The following UBE2W variants were observed in gnomAD, a reference collection of about 807,000 sequenced individuals.
UBE2W encodes the protein ubiquitin conjugating enzyme E2 W, also known as ubiquitin-conjugating enzyme E2 W.
UBE2W carries 18 observed loss-of-function variants against 27.2 expected under a neutral mutation model. The observed-to-expected ratio is 0.66, with a 90% CI of 0.46 to 0.98. The LOEUF is 0.98. Among genes scored for constraint, UBE2W ranks in the 50% least tolerant of loss-of-function variants. The pLI is 0.00. For missense variants in UBE2W, 90 were observed against 180.2 expected (o/e 0.50, Z 2.87); for synonymous variants, 53 against 57.2 (o/e 0.93, Z 0.33).
intron 1 of UBE2W, among the ~76,000 whole-genome samples, chr8:73,861,976 T>C (rs954021277): frequency 6.6e-6 from 1 of 152,240 alleles, no homozygotes; most frequent in Non-Finnish European, 1.5e-5. Flanking sequence ...AATCTCGAAT[T>C]TGATTCTTAA....
In UBE2W at chr8:73,786,880, T is replaced by C; in HGVS notation, c.*7222A>G. 1 of 985,388 alleles carries C rather than the reference T, an allele frequency of 1.0e-6. No homozygotes were observed. Among genetic ancestry groups the C allele is most frequent in the Non-Finnish European group, 1.2e-6 (1 of 829,888 alleles). 61.0% of individuals were successfully genotyped at this position (985,388 alleles called of 1,614,324 possible). A position where few individuals can be genotyped will look rare whatever the true frequency, so the allele number is the denominator to read the frequency against. On this transcript the variant is annotated 3_prime_UTR_variant, in exon 6 of 6. Transcript: ENST00000602593. ...GGAATGTCATTAAATTATAACAGGA[T>C]AAAAGAAATATGTTTTCATTGAGGT...
intron 1 of UBE2W, among the ~76,000 whole-genome samples, chr8:73,866,287 AAAAATATATATATATAT>A (rs1338055252): frequency 1.9e-4 from 20 of 103,976 alleles, no homozygotes; most frequent in African/African-American, 4.2e-4. Flanking sequence ...AAAAAAAAAA[AAAAATATATATATATAT>A]ATATATATAT....
Position 73,792,502 on chromosome 8 carries a change from T to G in UBE2W, c.*1600A>C. The G allele has an allele frequency of 1.0e-6, 1 of 985,262 alleles. No individual in the cohort carries two copies. The highest frequency in any genetic ancestry group is 1.7e-5 in the African/African-American group (1 of 57,358). The allele number at this position is 985,262 out of a possible 1,614,324, so 61.0% of individuals were successfully genotyped here. ...GTCATCTATACAGATTAAAAACAATTTTAAAATATTATTTACCAATTATTG... is the reference window on the plus strand; with the variant it reads ...GTCATCTATACAGATTAAAAACAATGTTAAAATATTATTTACCAATTATTG... On this transcript the variant is annotated 3_prime_UTR_variant, in exon 6 of 6. Coordinates refer to ENST00000602593, the MANE Select transcript of UBE2W (RefSeq NM_018299.6).
At chr8:73,840,853 T>A (rs927675923) in intron 1 of UBE2W, among the ~76,000 whole-genome samples, 4 of 152,138 alleles carry the variant, frequency 2.6e-5, no homozygotes, top group African/African-American at 9.7e-5. Flanking sequence ...ATATGATATA[T>A]TAAAATATGA....
intron 2 of UBE2W, among the ~76,000 whole-genome samples, chr8:73,827,742 G>A (rs1809910968): frequency 6.6e-6 from 1 of 151,456 alleles, no homozygotes. Flanking sequence ...ATCTCCCTAT[G>A]TTGCCCAGTC....
intron 1 of UBE2W, among the ~76,000 whole-genome samples, chr8:73,855,530 T>C (rs775471473): frequency 6.6e-6 from 1 of 151,236 alleles, no homozygotes; most frequent in Non-Finnish European, 1.5e-5. Context: ...GCCTCCCAAG[T>C]AGCTGGGCTT....
In UBE2W at chr8:73,791,694, A is replaced by C. The variant is rs1808208636; in HGVS notation, c.*2408T>G. The C allele has an allele frequency of 5.1e-6, 5 of 985,232 alleles. No individual in the cohort carries two copies. Among genetic ancestry groups the C allele is most frequent in the Non-Finnish European group, 6.0e-6 (5 of 829,742 alleles). The allele number at this position is 985,232 out of a possible 1,614,324, so 61.0% of individuals were successfully genotyped here. A position where few individuals can be genotyped will look rare whatever the true frequency, so the allele number is the denominator to read the frequency against. ...GTGCAAGGAGTTTTCAATGATTCCT[A>C]AATTCAAGAGAGTGTTGTTAGCCTG... On this transcript the variant is annotated 3_prime_UTR_variant, in exon 6 of 6. Transcript: ENST00000602593.
chr8:73,799,919 T>G (rs1020468497), intron 5 of UBE2W, among the ~76,000 whole-genome samples: 1 of 152,174 alleles, frequency 6.6e-6, no homozygotes, highest in East Asian at 1.9e-4. Flanking sequence ...GGTGTTATAC[T>G]GGAACAAAGC....
At chr8:73,819,697 G>T (rs1280508210) in intron 3 of UBE2W, among the ~76,000 whole-genome samples, 4 of 152,150 alleles carry the variant, frequency 2.6e-5, no homozygotes, top group African/African-American at 4.8e-5. Flanking sequence ...ATTGTTTGTT[G>T]TTATTCTTTC....
intron 2 of UBE2W, among the ~76,000 whole-genome samples, chr8:73,829,659 T>G (rs1586488986): frequency 6.6e-6 from 1 of 152,054 alleles, no homozygotes; most frequent in African/African-American, 2.4e-5. Flanking sequence ...TAGGTACTGA[T>G]ACAAATGCCA....
intron 1 of UBE2W, among the ~76,000 whole-genome samples, chr8:73,845,515 CGT>C (rs1563614464): frequency 6.6e-6 from 1 of 152,036 alleles, no homozygotes; most frequent in African/African-American, 2.4e-5. Context: ...GCAGCATACT[CGT>C]TAAGAGTCAT....
chr8:73,864,132 G>A (rs534874939), intron 1 of UBE2W, among the ~76,000 whole-genome samples: 5 of 152,258 alleles, frequency 3.3e-5, no homozygotes, highest in African/African-American at 1.2e-4. Flanking sequence ...AGTGGCTCAC[G>A]CCTGTAATCC....
chr8:73,871,925 C>T (rs1363966796), intron 1 of UBE2W, among the ~76,000 whole-genome samples: 1 of 152,024 alleles, frequency 6.6e-6, no homozygotes, highest in Non-Finnish European at 1.5e-5. Context: ...CAGGGTCTCA[C>T]TCTGTCACCC....
At chr8:73,796,084 AG>A (rs1554578930) in intron 5 of UBE2W, among the ~76,000 whole-genome samples, 3,595 of 137,458 alleles carry the variant, frequency 0.026, 287 homozygotes, top group African/African-American at 0.1. Context: ...AAAAAAAAAA[AG>A]GGGGATGTTC....
chr8:73,798,956 C>A (rs1214291407), intron 5 of UBE2W, among the ~76,000 whole-genome samples: 1 of 151,812 alleles, frequency 6.6e-6, no homozygotes, highest in East Asian at 1.9e-4. Context: ...ATTCTCCCTG[C>A]TCAATGGATT....
intron 1 of UBE2W, among the ~76,000 whole-genome samples, chr8:73,870,914 T>C (rs1322985132): frequency 7.0e-6 from 1 of 143,052 alleles, no homozygotes; most frequent in Non-Finnish European, 1.5e-5. Flanking sequence ...CAAGCAGGAG[T>C]AGCAAGGAGG....
rs200580494 is a variant in UBE2W at position 73,849,467 on chromosome 8, G to A, written c.16-18995C>T. 1.7e-4 allele frequency among the ~76,000 whole-genome samples: 22 copies of A among 127,494 alleles called. No individual in the cohort carries two copies. In the East Asian group the frequency reaches 2.8e-3, roughly 16 times the overall value. 83.6% of individuals were successfully genotyped at this position (127,494 alleles called of 152,430 possible). On this transcript the variant is annotated intron_variant, in intron 1 of 5. Coordinates refer to ENST00000602593, the MANE Select transcript of UBE2W (RefSeq NM_018299.6). ...GTGGAGATTGTAGTGAGCCAAGATC[G>A]CGCCACTGCACTCCAGCCTGGGCAA... is the stretch of plus-strand genomic sequence containing the variant.
chr8:73,821,528 G>C (rs1182307755), intron 3 of UBE2W, among the ~76,000 whole-genome samples: 1 of 139,156 alleles, frequency 7.2e-6, no homozygotes, highest in African/African-American at 2.7e-5. Flanking sequence ...GTGGTGGGGG[G>C]GTGGAGTGGG....
rs1807993162 is a variant in UBE2W, at chr8:73,787,236, A to AC, written c.*6865dup. The AC allele has an allele frequency of 5.1e-6, 5 of 985,472 alleles. No homozygotes were observed. Among genetic ancestry groups the AC allele is most frequent in the Non-Finnish European group, 4.8e-6 (4 of 829,938 alleles). 61.0% of individuals were successfully genotyped at this position (985,472 alleles called of 1,614,324 possible). ...TGGCTTTGAGCTTTGTTGTCCAAGT[A>AC]CACAAAACTCTTAGCTGTCTCACTT... On this transcript the variant is annotated 3_prime_UTR_variant, in exon 6 of 6. Transcript: ENST00000602593.
Sources: allele counts gnomAD v4.1 joint callset (sites outside exome capture counted in the v4.1 genomes callset), GRCh38; gene constraint gnomAD v4.1.1; transcripts MANE v1.5; gene names NCBI Gene and HGNC (gene_info 2026-07-23, HGNC 2026-07-21).